TMEM178B: variants seen among roughly 807,000 people sequenced by gnomAD.
The protein encoded by TMEM178B is transmembrane protein 178B.
TMEM178B carries 5 observed loss-of-function variants against 31.0 expected under a neutral mutation model. That is an observed-to-expected ratio of 0.16 (90% CI 0.08 to 0.34). The LOEUF (loss-of-function observed/expected upper bound fraction) is 0.34. Among genes scored for constraint, TMEM178B ranks in the 10% least tolerant of loss-of-function variants. The pLI, the probability that TMEM178B is intolerant of heterozygous loss-of-function variation, is 1.00. For synonymous variants in TMEM178B, 164 were observed against 164.0 expected (o/e 1.00, Z 0.00); for missense variants, 275 against 400.3 (o/e 0.69, Z 2.67).
intron 2 of TMEM178B, among the ~76,000 whole-genome samples, chr7:141,342,659 G>C (rs975411399): frequency 6.6e-6 from 1 of 152,228 alleles, no homozygotes; most frequent in African/African-American, 2.4e-5. Flanking sequence ...CCCTTGAACA[G>C]AGAGAAGAGC....
At chr7:141,335,531 A>G (rs117561233) in intron 2 of TMEM178B, among the ~76,000 whole-genome samples, 3 of 152,272 alleles carry the variant, frequency 2.0e-5, no homozygotes, top group East Asian at 3.9e-4. Context: ...GCCCAAGGCA[A>G]CAGCTGAGAG....
At chr7:141,156,710 T>G (rs966437451) in intron 1 of TMEM178B, among the ~76,000 whole-genome samples, 1 of 152,216 alleles carries the variant, frequency 6.6e-6, no homozygotes, top group African/African-American at 2.4e-5. Flanking sequence ...TTCTGCGTAA[T>G]TACTTACTTG....
chr7:141,278,583 C>CA (rs544081760), intron 2 of TMEM178B, among the ~76,000 whole-genome samples: 220 of 150,540 alleles, frequency 1.5e-3, no homozygotes, highest in African/African-American at 5.1e-3. Flanking sequence ...CTCTGTCTCA[C>CA]AAAAAATAAA....
intron 1 of TMEM178B, among the ~76,000 whole-genome samples, chr7:141,172,094 A>G (rs1358186800): frequency 6.6e-6 from 1 of 152,200 alleles, no homozygotes; most frequent in South Asian, 2.1e-4. Context: ...AGATGAGGAA[A>G]CTGAGGCATA....
At chr7:141,270,434 G>A (rs1486775570) in intron 2 of TMEM178B, among the ~76,000 whole-genome samples, 1 of 152,038 alleles carries the variant, frequency 6.6e-6, no homozygotes, top group Non-Finnish European at 1.5e-5. Context: ...GCTGACATTC[G>A]GGAATTTTCT....
chr7:141,194,444 A>G (rs894411531), intron 1 of TMEM178B, among the ~76,000 whole-genome samples: 1 of 152,220 alleles, frequency 6.6e-6, no homozygotes, highest in Non-Finnish European at 1.5e-5. Flanking sequence ...CCAGCAGGGC[A>G]GTCAAATGTT....
At chr7:141,110,111 C>T (rs902024367) in intron 1 of TMEM178B, among the ~76,000 whole-genome samples, 5 of 152,130 alleles carry the variant, frequency 3.3e-5, no homozygotes, top group Admixed American at 1.3e-4. Flanking sequence ...TGGATTTTAG[C>T]AGCTTATTTC....
At chr7:141,133,108 A>G (rs1332279768) in intron 1 of TMEM178B, among the ~76,000 whole-genome samples, 1 of 152,220 alleles carries the variant, frequency 6.6e-6, no homozygotes, top group Non-Finnish European at 1.5e-5. Flanking sequence ...AAGCCAATTC[A>G]TAAAATTGGA....
intron 2 of TMEM178B, among the ~76,000 whole-genome samples, chr7:141,268,340 A>G (rs1268363586): frequency 6.6e-6 from 1 of 152,242 alleles, no homozygotes; most frequent in Non-Finnish European, 1.5e-5. Context: ...AGCTTATGGG[A>G]AAAATGCCCC....
At chr7:141,443,366 A>G (rs1392978757) in intron 3 of TMEM178B, among the ~76,000 whole-genome samples, 1 of 152,168 alleles carries the variant, frequency 6.6e-6, no homozygotes, top group Non-Finnish European at 1.5e-5. Context: ...CGTTCAGGAC[A>G]CCACACTGCA....
At chr7:141,380,974 T>TG (rs1379448855) in intron 2 of TMEM178B, among the ~76,000 whole-genome samples, 1 of 152,184 alleles carries the variant, frequency 6.6e-6, no homozygotes, top group Admixed American at 6.5e-5. Flanking sequence ...GAGTACCTGA[T>TG]AACAGATCCA....
chr7:141,487,514 C>A, the TMEM178B span, among the ~76,000 whole-genome samples: 1 of 151,812 alleles, frequency 6.6e-6, no homozygotes, highest in African/African-American at 2.4e-5. Context: ...CCGAGGCAGG[C>A]AGATCACTTG....
chr7:141,290,567 G>A (rs1298318326), intron 2 of TMEM178B, among the ~76,000 whole-genome samples: 7 of 151,960 alleles, frequency 4.6e-5, no homozygotes, highest in East Asian at 3.9e-4. Flanking sequence ...ATGCACACAC[G>A]CACACACACG....
intron 3 of TMEM178B, among the ~76,000 whole-genome samples, chr7:141,447,065 C>T (rs1002861929): frequency 2.6e-5 from 4 of 152,102 alleles, no homozygotes; most frequent in Admixed American, 1.3e-4. Flanking sequence ...TACTGATTGC[C>T]TATTATGTGC....
Position 141,317,592 on chromosome 7 carries a change from G to A in TMEM178B, c.496+104888G>A, listed in dbSNP as rs528999268. 6.6e-4 allele frequency among the ~76,000 whole-genome samples: 101 copies of A among 152,312 alleles called. 1 individual carries two copies. In the South Asian group the frequency reaches 0.02, roughly 30 times the overall value. ...GGCCAAGATGACTTGTGGTCCTGGG[G>A]CCAAAATGCTGAGGATGTCTGTCCA... On this transcript the variant is annotated intron_variant, in intron 2 of 3. Coordinates refer to ENST00000565468, the MANE Select transcript of TMEM178B (RefSeq NM_001195278.2).
At chr7:141,497,423 T>C in the TMEM178B span, among the ~76,000 whole-genome samples, 1 of 152,192 alleles carries the variant, frequency 6.6e-6, no homozygotes, top group African/African-American at 2.4e-5. Flanking sequence ...TAACTTTAAG[T>C]TGTGATTTTC....
intron 2 of TMEM178B, among the ~76,000 whole-genome samples, chr7:141,369,907 A>T (rs536130531): frequency 2.0e-5 from 3 of 152,262 alleles, no homozygotes; most frequent in Non-Finnish European, 4.4e-5. Context: ...GGAGAGAAAC[A>T]AATAAAGAGA....
At chr7:141,452,266 T>C (rs1425182885) in intron 3 of TMEM178B, among the ~76,000 whole-genome samples, 1 of 152,172 alleles carries the variant, frequency 6.6e-6, no homozygotes, top group Non-Finnish European at 1.5e-5. Flanking sequence ...ACCTCAAACA[T>C]ACTTTGACCC....
chr7:141,349,440 C>T (rs1243217099), intron 2 of TMEM178B, among the ~76,000 whole-genome samples: 1 of 152,082 alleles, frequency 6.6e-6, no homozygotes, highest in African/African-American at 2.4e-5. Context: ...TCTGGAAACC[C>T]TGAGATGGAT....
Sources: gnomAD v4.1 joint callset for allele counts (sites outside exome capture counted in the v4.1 genomes callset) on GRCh38, gnomAD v4.1.1 for gene constraint, MANE v1.5 for transcripts, NCBI Gene and HGNC (gene_info 2026-07-23, HGNC 2026-07-21) for gene names.